GALNT13: variants seen among roughly 807,000 people sequenced by gnomAD.
The protein encoded by GALNT13 is UDP-GalNAc:polypeptide N-acetylgalactosaminyltransferase 13.
A neutral mutation model predicts 64.2 loss-of-function variants in GALNT13; 28 were observed. The ratio of observed to expected loss-of-function variants is 0.44; its 90% CI spans 0.32 to 0.60. GALNT13 has a LOEUF of 0.60. GALNT13 is among the 20% of genes least tolerant of loss of function. The pLI is 0.05. For synonymous variants in GALNT13, 214 were observed against 224.6 expected, an observed-to-expected ratio of 0.95 and a Z score of 0.42; for missense variants, 577 against 669.8, an observed-to-expected ratio of 0.86 and a Z score of 1.53.
intron 2 of GALNT13, among the ~76,000 whole-genome samples, chr2:153,928,043 A>G (rs894247816): frequency 6.6e-6 from 1 of 151,950 alleles, no homozygotes; most frequent in Admixed American, 6.6e-5. Context: ...TCTCCCCTTT[A>G]TGCTACTGGG....
chr2:154,284,863 C>A (rs760990231), intron 8 of GALNT13, among the ~76,000 whole-genome samples: 1 of 151,946 alleles, frequency 6.6e-6, no homozygotes, highest in Admixed American at 6.5e-5. Context: ...AGTGAGGATT[C>A]GGAGAATAAC....
chr2:153,942,352 G>A (rs1691396690), intron 2 of GALNT13, among the ~76,000 whole-genome samples: 1 of 152,066 alleles, frequency 6.6e-6, no homozygotes, highest in Non-Finnish European at 1.5e-5. Flanking sequence ...GGGAATGGCC[G>A]TGTAGTGACC....
the GALNT13 span, among the ~76,000 whole-genome samples, chr2:153,137,988 A>G: frequency 6.6e-6 from 1 of 151,982 alleles, no homozygotes; most frequent in African/African-American, 2.4e-5. Context: ...GCTTCCTACC[A>G]TGTTAATTTA....
the GALNT13 span, among the ~76,000 whole-genome samples, chr2:153,706,888 G>C: frequency 2.6e-5 from 4 of 152,164 alleles, no homozygotes. Flanking sequence ...AACAAGACTA[G>C]TATGATTTGG....
chr2:153,683,818 G>A, the GALNT13 span, among the ~76,000 whole-genome samples: 2 of 151,538 alleles, frequency 1.3e-5, no homozygotes, highest in African/African-American at 4.8e-5. Flanking sequence ...CTTCTTCTAG[G>A]ATCTGTCTAG....
the GALNT13 span, among the ~76,000 whole-genome samples, chr2:153,263,597 A>G: frequency 3.9e-5 from 6 of 152,216 alleles, no homozygotes; most frequent in Non-Finnish European, 8.8e-5. Context: ...ACACATACAG[A>G]CACATAGACA....
chr2:153,244,102 C>A, the GALNT13 span, among the ~76,000 whole-genome samples: 2 of 142,842 alleles, frequency 1.4e-5, no homozygotes, highest in African/African-American at 6.1e-5. Flanking sequence ...AAAGTAAACT[C>A]CACAAAAATT....
rs1048372607 is a variant in GALNT13 at position 154,258,346 on chromosome 2, C to A, written c.858-675C>A. 1.1e-4 allele frequency among the ~76,000 whole-genome samples: 17 copies of A among 152,118 alleles called. 1 individual carries two copies. The South Asian group carries it at 1.9e-3, about 17-fold the overall frequency. ...TATTCCTAGAAAAAAGTTTTAGAAT[C>A]CCTTCGAAGTGTCCTTTCAAACCTC... is the stretch of plus-strand genomic sequence containing the variant. On this transcript the variant is annotated intron_variant, in intron 7 of 12. Transcript: ENST00000392825.
chr2:153,143,275 T>A, the GALNT13 span, among the ~76,000 whole-genome samples: 2 of 152,034 alleles, frequency 1.3e-5, no homozygotes, highest in Admixed American at 6.6e-5. Context: ...GCAAAATGAC[T>A]AAAATTGGGA....
At chr2:154,433,515 G>T (rs982912209) in intron 11 of GALNT13, among the ~76,000 whole-genome samples, 4 of 151,968 alleles carry the variant, frequency 2.6e-5, no homozygotes, top group African/African-American at 9.7e-5. Context: ...AAAATAAATT[G>T]ATTAGCAGAC....
At chr2:154,360,329 G>A (rs1409265934) in intron 9 of GALNT13, among the ~76,000 whole-genome samples, 2 of 152,224 alleles carry the variant, frequency 1.3e-5, no homozygotes, top group Non-Finnish European at 2.9e-5. Context: ...TCCACTGGCT[G>A]TATATTCAGG....
At chr2:153,643,042 A>G in the GALNT13 span, among the ~76,000 whole-genome samples, 3 of 151,554 alleles carry the variant, frequency 2.0e-5, no homozygotes, top group African/African-American at 7.2e-5. Flanking sequence ...TGTGAGGTGT[A>G]GTAGCTTTAG....
chr2:154,101,876 T>C (rs1702365205), intron 3 of GALNT13, among the ~76,000 whole-genome samples: 1 of 152,264 alleles, frequency 6.6e-6, no homozygotes, highest in East Asian at 1.9e-4. Context: ...TGTTTTGATA[T>C]CCACTTTAAT....
the GALNT13 span, among the ~76,000 whole-genome samples, chr2:153,366,903 G>A: frequency 6.6e-6 from 1 of 151,944 alleles, no homozygotes; most frequent in Non-Finnish European, 1.5e-5. Flanking sequence ...AAGAAATCAT[G>A]TAAGTCAGGA....
intron 9 of GALNT13, among the ~76,000 whole-genome samples, chr2:154,319,094 CT>C (rs781595688): frequency 2.6e-5 from 4 of 151,996 alleles, no homozygotes; most frequent in Non-Finnish European, 5.9e-5. Context: ...AAAATAAAAA[CT>C]CAACGGAAAC....
the GALNT13 span, among the ~76,000 whole-genome samples, chr2:153,264,881 A>G: frequency 6.6e-6 from 1 of 152,194 alleles, no homozygotes; most frequent in African/African-American, 2.4e-5. Context: ...GCAGCAAACC[A>G]CCATGGCACA....
At chr2:153,917,600 A>G (rs1216797420) in intron 2 of GALNT13, among the ~76,000 whole-genome samples, 2 of 152,200 alleles carry the variant, frequency 1.3e-5, no homozygotes, top group Non-Finnish European at 2.9e-5. Flanking sequence ...TGATGTTATA[A>G]GTAATAAACT....
the GALNT13 span, among the ~76,000 whole-genome samples, chr2:153,117,088 C>T: frequency 1.3e-5 from 2 of 152,086 alleles, no homozygotes; most frequent in African/African-American, 4.8e-5. Flanking sequence ...TGTGAGCCAC[C>T]ATGCCTGGCT....
the GALNT13 span, among the ~76,000 whole-genome samples, chr2:153,254,880 T>C: frequency 6.6e-6 from 1 of 152,226 alleles, no homozygotes; most frequent in Non-Finnish European, 1.5e-5. Context: ...AGGAGAGCTT[T>C]ACTTCCAAGT....
Sources: gnomAD v4.1 joint callset for allele counts (sites outside exome capture counted in the v4.1 genomes callset) on GRCh38, gnomAD v4.1.1 for gene constraint, MANE v1.5 for transcripts, NCBI Gene and HGNC (gene_info 2026-07-23, HGNC 2026-07-21) for gene names.